The following ADAM29 variants were observed in gnomAD, a reference collection of about 807,000 sequenced individuals.
ADAM29 encodes disintegrin and metalloproteinase domain-containing protein 29.
For missense variants in ADAM29, 969 were observed against 1,001.8 expected (o/e 0.97, Z 0.44); for synonymous variants, 367 against 342.3 (o/e 1.07, Z -0.80).
At chr4:174,951,992 A>T (rs1286295675) in intron 4 of ADAM29, among the ~76,000 whole-genome samples, 1 of 152,112 alleles carries the variant, frequency 6.6e-6, no homozygotes, top group African/African-American at 2.4e-5. Context: ...TATACTTGAA[A>T]ATTCCCAAGA....
At chr4:174,950,423 A>T (rs1745102150) in intron 4 of ADAM29, among the ~76,000 whole-genome samples, 2 of 152,222 alleles carry the variant, frequency 1.3e-5, no homozygotes, top group African/African-American at 4.8e-5. Context: ...CTGGTCTCCC[A>T]GTATAAGCCT....
At chr4:174,933,956 T>G (rs1440333374) in intron 3 of ADAM29, among the ~76,000 whole-genome samples, 1 of 152,200 alleles carries the variant, frequency 6.6e-6, no homozygotes, top group Non-Finnish European at 1.5e-5. Flanking sequence ...TGTGTCTTTA[T>G]AGGAGAATGA....
intron 2 of ADAM29, among the ~76,000 whole-genome samples, chr4:174,921,916 T>C (rs1483173117): frequency 6.6e-6 from 1 of 152,124 alleles, no homozygotes; most frequent in Non-Finnish European, 1.5e-5. Flanking sequence ...TGTGGAATGA[T>C]AAGATAAAGA....
At chr4:174,969,535 CA>C (rs1225082837) in intron 4 of ADAM29, among the ~76,000 whole-genome samples, 1 of 151,210 alleles carries the variant, frequency 6.6e-6, no homozygotes, top group African/African-American at 2.4e-5. Flanking sequence ...CAGGGAAAAC[CA>C]ATGTTAATAT....
At chr4:174,969,321 A>G (rs1402561311) in intron 4 of ADAM29, among the ~76,000 whole-genome samples, 1 of 151,786 alleles carries the variant, frequency 6.6e-6, no homozygotes, top group Non-Finnish European at 1.5e-5. Context: ...AGAACCAAAA[A>G]CAAAGTAAAA....
intron 1 of ADAM29, among the ~76,000 whole-genome samples, chr4:174,920,470 CTGAA>C: frequency 6.6e-6 from 1 of 151,996 alleles, no homozygotes; most frequent in Non-Finnish European, 1.5e-5. Flanking sequence ...CCACTGCTTC[CTGAA>C]TATCTAGTAA....
At chr4:174,939,036 T>G (rs1744364628) in intron 4 of ADAM29, among the ~76,000 whole-genome samples, 1 of 152,114 alleles carries the variant, frequency 6.6e-6, no homozygotes, top group Non-Finnish European at 1.5e-5. Flanking sequence ...AAGGCACTTG[T>G]CACTAGATTT....
chr4:174,940,923 A>G (rs533914993), intron 4 of ADAM29, among the ~76,000 whole-genome samples: 248 of 152,302 alleles, frequency 1.6e-3, no homozygotes, highest in Non-Finnish European at 3.1e-3. Context: ...AAGTGGTGTC[A>G]TACTCAAGAA....
chr4:174,961,935 A>T (rs533010567), intron 4 of ADAM29, among the ~76,000 whole-genome samples: 60 of 152,272 alleles, frequency 3.9e-4, no homozygotes, highest in African/African-American at 1.4e-3. Flanking sequence ...ATTAAGAATT[A>T]TATAGTGTTC....
At chr4:174,936,855 T>A (rs1744233818) in intron 3 of ADAM29, 78 bp from the exon 4 acceptor site, 1 of 151,952 alleles carries the variant, frequency 6.6e-6, no homozygotes, top group South Asian at 2.1e-4. Context: ...TAAAAGAGCA[T>A]TTTTATGCCA....
chr4:174,951,723 A>G (rs1305023636), intron 4 of ADAM29, among the ~76,000 whole-genome samples: 1 of 152,192 alleles, frequency 6.6e-6, no homozygotes, highest in Non-Finnish European at 1.5e-5. Context: ...AGACAGTATC[A>G]TATTGTTGAG....
Position 174,977,039 on chromosome 4 carries a change from G to A in ADAM29, c.1514G>A (p.Cys505Tyr). The change falls in exon 5 of 5, where the codon TGT (cysteine) becomes TAT (tyrosine). Residue 505 changes from cysteine (C) to tyrosine (Y), a missense_variant. By Grantham distance (194) the Cys-to-Tyr change is radical. Transcript: ENST00000359240. ...AGCTGTCATGACCGCAATGAACAGT[G>A]TAGGAGGATTTTTGGTGCAGGCGCA... ...EKSCHDRNEQ[C>Y]RRIFGAGANT... 1 of 1,614,194 alleles carries A rather than the reference G, an allele frequency of 6.2e-7. No individual in the cohort carries two copies. The highest frequency in any genetic ancestry group is 8.5e-7 in the Non-Finnish European group (1 of 1,180,038).
chr4:174,933,251 C>CTAT (rs1744008771), intron 3 of ADAM29, among the ~76,000 whole-genome samples: 2 of 152,034 alleles, frequency 1.3e-5, no homozygotes, highest in Admixed American at 1.3e-4. Flanking sequence ...TCCTTCCTCA[C>CTAT]TATATATAGT....
intron 4 of ADAM29, among the ~76,000 whole-genome samples, chr4:174,971,481 G>A (rs1746476182): frequency 6.6e-6 from 1 of 152,142 alleles, no homozygotes; most frequent in Non-Finnish European, 1.5e-5. Flanking sequence ...GCCAGGTATA[G>A]TGTTCTTGGT....
In ADAM29 at chr4:174,976,949, G is replaced by A; in HGVS notation, c.1424G>A (p.Cys475Tyr). ...TGGTGCAATGGTACTTCCCATAAGT[G>A]CCCAGATGACTTTTATGTGGAAGAT... is the stretch of plus-strand genomic sequence containing the variant. ...PEWCNGTSHKCPDDFYVEDGI... is the reference protein window; with the variant it reads ...PEWCNGTSHKYPDDFYVEDGI... Residue 475 changes from cysteine to tyrosine, a missense_variant, in exon 5 of 5, where the codon TGC (cysteine) becomes TAC (tyrosine). Physicochemically the swap from Cys to Tyr is radical, Grantham distance 194. Transcript: ENST00000359240. The A allele has an allele frequency of 6.2e-7, 1 of 1,614,054 alleles. No individual in the cohort carries two copies. The highest frequency in any genetic ancestry group is 1.1e-5 in the South Asian group (1 of 91,056).
intron 4 of ADAM29, among the ~76,000 whole-genome samples, chr4:174,945,294 T>C (rs1330081774): frequency 1.4e-5 from 1 of 71,078 alleles, no homozygotes; most frequent in Non-Finnish European, 4.3e-5. Flanking sequence ...GTATGTTTTC[T>C]TTTGAAAGGG....
At chr4:174,965,235 G>A (rs527929655) in intron 4 of ADAM29, among the ~76,000 whole-genome samples, 3 of 127,738 alleles carry the variant, frequency 2.3e-5, no homozygotes, top group African/African-American at 9.3e-5. Flanking sequence ...AGAGGGTAAG[G>A]GAGGAAGCAA....
chr4:174,972,108 C>T (rs1233568049), intron 4 of ADAM29, among the ~76,000 whole-genome samples: 1 of 152,088 alleles, frequency 6.6e-6, no homozygotes, highest in Non-Finnish European at 1.5e-5. Context: ...TTTCTCTTGA[C>T]CTCCATAAAC....
intron 4 of ADAM29, among the ~76,000 whole-genome samples, chr4:174,951,472 C>A (rs922221313): frequency 6.6e-6 from 1 of 152,094 alleles, no homozygotes; most frequent in Admixed American, 6.5e-5. Context: ...TATGTTCTTT[C>A]TTAGGAAGCC....
Sources: gnomAD v4.1 joint callset for allele counts (sites outside exome capture counted in the v4.1 genomes callset) on GRCh38, gnomAD v4.1.1 for gene constraint, MANE v1.5 for transcripts, NCBI Gene and HGNC (gene_info 2026-07-23, HGNC 2026-07-21) for gene names.